The following ABCG2 variants were observed in gnomAD, a reference collection of about 807,000 sequenced individuals.
The protein encoded by ABCG2 is broad substrate specificity ATP-binding cassette transporter ABCG2.
Under a neutral mutation model 73.5 loss-of-function variants are expected in ABCG2, and 80 were observed. That is an observed-to-expected ratio of 1.09 (90% CI 0.91 to 1.31). The LOEUF (loss-of-function observed/expected upper bound fraction) is 1.31. ABCG2 is among the 50% of genes most tolerant of loss of function. The pLI, the probability that ABCG2 is intolerant of heterozygous loss-of-function variation, is 0.00. For synonymous variants in ABCG2, 269 were observed against 282.4 expected (o/e 0.95, Z 0.48); for missense variants, 796 against 786.2 (o/e 1.01, Z -0.15).
At chr4:88,139,378 C>CAAGT (rs1725466044) in intron 2 of ABCG2, among the ~76,000 whole-genome samples, 1 of 152,136 alleles carries the variant, frequency 6.6e-6, no homozygotes. Flanking sequence ...CTCAGCCTCC[C>CAAGT]AAGTAGCTGG....
intron 1 of ABCG2, among the ~76,000 whole-genome samples, chr4:88,149,691 A>C (rs1030832851): frequency 6.6e-6 from 1 of 151,972 alleles, no homozygotes; most frequent in Non-Finnish European, 1.5e-5. Flanking sequence ...GTCTCTACTA[A>C]AAATACAAAA....
intron 10 of ABCG2, among the ~76,000 whole-genome samples, chr4:88,106,152 T>C (rs1722754492): frequency 1.3e-5 from 2 of 152,154 alleles, no homozygotes; most frequent in Admixed American, 1.3e-4. Context: ...GTTTGTTTTT[T>C]TAAGAGACAG....
intron 1 of ABCG2, among the ~76,000 whole-genome samples, chr4:88,146,943 GAGGA>G (rs2110066271): frequency 7.8e-6 from 1 of 127,608 alleles, no homozygotes; most frequent in Admixed American, 8.3e-5. Flanking sequence ...GGAAGGGAGG[GAGGA>G]AGGGAGGGAG....
At chr4:88,159,377 T>TA (rs1296192499), upstream of ABCG2, 7 of 354,508 alleles carry the variant, frequency 2.0e-5, no homozygotes, top group East Asian at 5.7e-4. Flanking sequence ...CCCCAGGGCC[T>TA]AAAAAAATCA....
intron 1 of ABCG2, among the ~76,000 whole-genome samples, chr4:88,157,254 G>A (rs1727009661): frequency 6.6e-6 from 1 of 152,140 alleles, no homozygotes; most frequent in Non-Finnish European, 1.5e-5. Context: ...CAAATTAACT[G>A]ACCGGGTCTT....
chr4:88,210,847 C>T (rs1310269932), intron 1 of ABCG2, among the ~76,000 whole-genome samples: 1 of 152,108 alleles, frequency 6.6e-6, no homozygotes, highest in East Asian at 1.9e-4. Context: ...CAGGCATAAG[C>T]CACCACACCT....
At chr4:88,094,556 T>C in intron 15 of ABCG2, 21 bp downstream of exon 15, 1 of 1,600,778 alleles carries the variant, frequency 6.2e-7, no homozygotes, top group Non-Finnish European at 8.6e-7. Context: ...AAACCCATTT[T>C]GACACTGAAC....
intron 1 of ABCG2, among the ~76,000 whole-genome samples, chr4:88,166,035 A>C (rs1727505876): frequency 6.6e-6 from 1 of 152,202 alleles, no homozygotes; most frequent in African/African-American, 2.4e-5. Context: ...GGCCCCAAGG[A>C]AATGGAAGAG....
At chr4:88,220,345 T>C (rs1729969138) in intron 1 of ABCG2, among the ~76,000 whole-genome samples, 2 of 152,208 alleles carry the variant, frequency 1.3e-5, no homozygotes, top group Admixed American at 1.3e-4. Context: ...AATTGTGGGA[T>C]TGTATGGTAA....
At chr4:88,221,366 A>T (rs1730006795) in intron 1 of ABCG2, among the ~76,000 whole-genome samples, 1 of 152,198 alleles carries the variant, frequency 6.6e-6, no homozygotes, top group Admixed American at 6.5e-5. Context: ...GGTACCGCAG[A>T]GAGTGGGTTG....
chr4:88,194,359 G>C (rs1728841995), intron 1 of ABCG2, among the ~76,000 whole-genome samples: 1 of 151,694 alleles, frequency 6.6e-6, no homozygotes, highest in Admixed American at 6.6e-5. Context: ...GACCATCCTG[G>C]CTAACACGGT....
At chr4:88,169,296 A>G (rs28395359) in intron 1 of ABCG2, among the ~76,000 whole-genome samples, 38,028 of 151,968 alleles carry the variant, frequency 0.25, 5,064 homozygotes, top group Non-Finnish European at 0.3. Flanking sequence ...CACCCGTCTC[A>G]GCCTCCCAAA....
At chr4:88,112,627 C>T (rs1017993190) in intron 9 of ABCG2, among the ~76,000 whole-genome samples, 2 of 152,100 alleles carry the variant, frequency 1.3e-5, no homozygotes, top group African/African-American at 4.8e-5. Flanking sequence ...CCCTAAAGCA[C>T]AGCACAGGCC....
intron 2 of ABCG2, among the ~76,000 whole-genome samples, chr4:88,135,574 T>G (rs966595166): frequency 8.9e-6 from 1 of 111,900 alleles, no homozygotes; most frequent in African/African-American, 3.4e-5. Context: ...GGCCCTCCAA[T>G]TTAGGGTTGG....
At chr4:88,104,194 C>T (rs1305754275) in intron 10 of ABCG2, among the ~76,000 whole-genome samples, 1 of 152,136 alleles carries the variant, frequency 6.6e-6, no homozygotes, top group Non-Finnish European at 1.5e-5. Context: ...TTCAAAGATG[C>T]TTATACTCTA....
chr4:88,099,598 C>A (rs994654282), intron 11 of ABCG2, 150 bp from the exon 12 acceptor site: 3 of 679,876 alleles, frequency 4.4e-6, no homozygotes, highest in Non-Finnish European at 2.3e-6. Flanking sequence ...TATGCATGCC[C>A]ATGAATACCT....
chr4:88,204,312 T>C (rs1294839010), intron 1 of ABCG2, among the ~76,000 whole-genome samples: 1 of 152,080 alleles, frequency 6.6e-6, no homozygotes, highest in Non-Finnish European at 1.5e-5. Context: ...TCCCAGCTAC[T>C]CGGGAGGCTG....
intron 1 of ABCG2, among the ~76,000 whole-genome samples, chr4:88,176,741 G>A (rs13135956): frequency 0.25 from 35,604 of 143,276 alleles, 5,615 homozygotes; most frequent in African/African-American, 0.46. Context: ...CAGTCCTCTC[G>A]CCTTGGCCTC....
intron 1 of ABCG2, among the ~76,000 whole-genome samples, chr4:88,202,383 T>TATA (rs1316002025): frequency 2.0e-4 from 26 of 130,050 alleles, no homozygotes; most frequent in African/African-American, 2.8e-4. Context: ...TATATGTATA[T>TATA]TTTAATTAGC....
Sources: gnomAD v4.1 joint callset for allele counts (sites outside exome capture counted in the v4.1 genomes callset) on GRCh38, gnomAD v4.1.1 for gene constraint, MANE v1.5 for transcripts, NCBI Gene and HGNC (gene_info 2026-07-23, HGNC 2026-07-21) for gene names.